Variants in PPFIA2 observed in about 807,000 individuals in gnomAD.
PPFIA2 encodes liprin-alpha-2.
Under a neutral mutation model 175.5 loss-of-function variants are expected in PPFIA2, and 46 were observed. The observed-to-expected ratio is 0.26, with a 90% CI of 0.21 to 0.34. The LOEUF (loss-of-function observed/expected upper bound fraction) is 0.34, where lower values mean the gene tolerates loss of function less well. Ranked by LOEUF, PPFIA2 falls within the 10% of genes least tolerant of loss-of-function variation. The pLI, the probability that PPFIA2 is intolerant of heterozygous loss-of-function variation, is 1.00. For missense variants in PPFIA2, 1,179 were observed against 1,506.1 expected, an observed-to-expected ratio of 0.78 and a Z score of 3.60; for synonymous variants, 568 against 511.4, an observed-to-expected ratio of 1.11 and a Z score of -1.49.
At chr12:81,641,391 C>T (rs914482072) in intron 4 of PPFIA2, among the ~76,000 whole-genome samples, 10 of 152,110 alleles carry the variant, frequency 6.6e-5, no homozygotes, top group South Asian at 4.1e-4. Context: ...ACAAAAGTGA[C>T]CACAGTTCTT....
chr12:81,583,330 G>A (rs1247155036), intron 4 of PPFIA2, among the ~76,000 whole-genome samples: 2 of 151,440 alleles, frequency 1.3e-5, no homozygotes, highest in Non-Finnish European at 2.9e-5. Context: ...GTTTTATTAC[G>A]TCTCTTTACC....
intron 3 of PPFIA2, among the ~76,000 whole-genome samples, chr12:81,743,997 TA>T (rs1207324787): frequency 1.3e-5 from 2 of 152,210 alleles, no homozygotes; most frequent in Non-Finnish European, 2.9e-5. Context: ...CATAATCATT[TA>T]AAATTAGCAA....
intron 4 of PPFIA2, among the ~76,000 whole-genome samples, chr12:81,498,282 C>T (rs2060237626): frequency 6.6e-6 from 1 of 152,194 alleles, no homozygotes; most frequent in Admixed American, 6.5e-5. Context: ...AGACTGTCTT[C>T]AGATTTTTCA....
At chr12:81,588,946 T>G (rs549784167) in intron 4 of PPFIA2, among the ~76,000 whole-genome samples, 1 of 152,220 alleles carries the variant, frequency 6.6e-6, no homozygotes, top group South Asian at 2.1e-4. Context: ...CATAGAGTTA[T>G]TTTAGCTAGG....
intron 3 of PPFIA2, among the ~76,000 whole-genome samples, chr12:81,752,421 TA>T (rs1362766059): frequency 1.3e-5 from 2 of 152,164 alleles, no homozygotes. Flanking sequence ...ATATTTTCCT[TA>T]AAAAATATAA....
At chr12:81,740,323 A>T (rs1597089331) in intron 3 of PPFIA2, among the ~76,000 whole-genome samples, 1 of 152,206 alleles carries the variant, frequency 6.6e-6, no homozygotes, top group East Asian at 1.9e-4. Flanking sequence ...CTTTTCTTAA[A>T]TAACTTAATT....
chr12:81,415,856 A>C (rs922734396), intron 7 of PPFIA2, among the ~76,000 whole-genome samples: 1 of 151,488 alleles, frequency 6.6e-6, no homozygotes, highest in Admixed American at 6.6e-5. Flanking sequence ...ATGTAATTCT[A>C]ATGAAAATTA....
chr12:81,660,480 G>C (rs1170082917), intron 4 of PPFIA2, among the ~76,000 whole-genome samples: 1 of 152,172 alleles, frequency 6.6e-6, no homozygotes, highest in Non-Finnish European at 1.5e-5. Flanking sequence ...AATGAAGTGA[G>C]AAGAGAAGTT....
In PPFIA2 at chr12:81,711,136, G is replaced by A. The variant is rs184575660; in HGVS notation, c.250-34292C>T. ...CCAGTGACTTGGGAGGCTGAGGTGG[G>A]AGGATTGCTTGCACCCAGGAATTTG... is the stretch of plus-strand genomic sequence containing the variant. On this transcript the variant is annotated intron_variant, in intron 3 of 32. Transcript: ENST00000549396. Among the ~76,000 whole-genome samples the A allele has an allele frequency of 5.3e-5, 8 of 151,288 alleles. 2 individuals carry two copies. Among genetic ancestry groups the A allele is most frequent in the African/African-American group, 1.9e-4 (8 of 41,492 alleles).
At position 81,492,995 on chromosome 12, in the gene PPFIA2, G is replaced by A. The variant is rs185117899; in HGVS notation, c.304-35129C>T. Among the ~76,000 whole-genome samples, 30 of 152,174 alleles carry A rather than the reference G, an allele frequency of 2.0e-4. No homozygotes were observed. The South Asian group carries it at 3.3e-3, about 17-fold the overall frequency. ...ATGTCAGCAGGTTGAACAATTATAT[G>A]TGGGTGAGAGATAAAGAGGAAAGTC... is the stretch of plus-strand genomic sequence containing the variant. On this transcript the variant is annotated intron_variant, in intron 4 of 32. Transcript: ENST00000549396.
intron 2 of PPFIA2, among the ~76,000 whole-genome samples, chr12:81,755,162 T>G (rs1056024983): frequency 9.2e-5 from 14 of 152,196 alleles, no homozygotes; most frequent in African/African-American, 3.4e-4. Flanking sequence ...AGTCATGAAA[T>G]AAACGAACTG....
intron 22 of PPFIA2, among the ~76,000 whole-genome samples, chr12:81,313,231 T>C (rs1395952356): frequency 1.3e-5 from 2 of 152,140 alleles, no homozygotes; most frequent in East Asian, 3.8e-4. Context: ...CATAATAGCC[T>C]AATTATTAAA....
At chr12:81,537,069 G>A (rs1195761434) in intron 4 of PPFIA2, among the ~76,000 whole-genome samples, 3 of 151,408 alleles carry the variant, frequency 2.0e-5, no homozygotes, top group Admixed American at 6.6e-5. Flanking sequence ...GAAAGCAGAA[G>A]GAGAATTACA....
rs180794720 is a variant in PPFIA2, at chr12:81,271,091, A to G, written c.3311-3004T>C. Among the ~76,000 whole-genome samples, 11 of 152,290 alleles carry G rather than the reference A, an allele frequency of 7.2e-5. No individual in the cohort carries two copies. In the South Asian group the frequency reaches 1.0e-3, roughly 14 times the overall value. The stretch of plus-strand genomic sequence containing the variant: ...AAAGTGTGTCCATTGTATACAGCAT[A>G]TCATTGTTTTTTAATCTGTCCTTAA... On this transcript the variant is annotated intron_variant, in intron 28 of 32. Coordinates refer to ENST00000549396, the MANE Select transcript of PPFIA2 (RefSeq NM_003625.5).
chr12:81,718,026 A>G (rs1005636960), intron 3 of PPFIA2, among the ~76,000 whole-genome samples: 5 of 151,618 alleles, frequency 3.3e-5, no homozygotes, highest in Non-Finnish European at 7.4e-5. Context: ...GGCACCTCCT[A>G]TTTGGCCTGA....
At position 81,339,320 on chromosome 12, in the gene PPFIA2, G is replaced by A; in HGVS notation, c.2408C>T (p.Ser803Phe). Reference sequence around the variant, plus strand: ...AAGCCCGAGGCTTTCTGGCTCAAGAGAGACAGATAAACTACTGCAAAACAC... The same window carrying A: ...AAGCCCGAGGCTTTCTGGCTCAAGAAAGACAGATAAACTACTGCAAAACAC... ...HNDARSSLSV[S>F]LEPESLGLGS... The change falls in exon 21 of 33, where the codon TCT becomes TTT. Residue 803 changes from serine to phenylalanine, a missense_variant. This residue lies in a region of PPFIA2 where 223 missense variants were observed against 241.6 expected (regional missense o/e 0.92). Transcript: ENST00000549396. 6.3e-7 allele frequency: 1 copy of A among 1,591,506 alleles called. No homozygotes were observed. The highest frequency in any genetic ancestry group is 1.1e-5 in the South Asian group (1 of 86,990).
At chr12:81,549,671 T>A (rs2067573282) in intron 4 of PPFIA2, among the ~76,000 whole-genome samples, 1 of 152,020 alleles carries the variant, frequency 6.6e-6, no homozygotes, top group Non-Finnish European at 1.5e-5. Context: ...GGCTTTTGTG[T>A]GCTTATGAGG....
At chr12:81,739,523 T>C in intron 3 of PPFIA2, among the ~76,000 whole-genome samples, 1 of 152,064 alleles carries the variant, frequency 6.6e-6, no homozygotes, top group East Asian at 1.9e-4. Context: ...ATCTTAGAAA[T>C]AGATCATGAA....
intron 4 of PPFIA2, among the ~76,000 whole-genome samples, chr12:81,666,685 A>G (rs547597608): frequency 6.6e-6 from 1 of 152,244 alleles, no homozygotes; most frequent in East Asian, 1.9e-4. Flanking sequence ...TGGGTGCAGC[A>G]CACCAGCATG....
Sources: gnomAD v4.1 joint callset for allele counts (sites outside exome capture counted in the v4.1 genomes callset) on GRCh38, gnomAD v4.1.1 for gene constraint, gnomAD v4.1.1 regional missense constraint, MANE v1.5 for transcripts, NCBI Gene and HGNC (gene_info 2026-07-23, HGNC 2026-07-21) for gene names.